LARGE1: variants seen among roughly 807,000 people sequenced by gnomAD.
LARGE1 encodes LARGE xylosyl- and glucuronyltransferase 1, also known as xylosyl- and glucuronyltransferase LARGE1.
Under a neutral mutation model 87.6 loss-of-function variants are expected in LARGE1, and 43 were observed. The observed-to-expected ratio is 0.49, with a 90% CI of 0.38 to 0.63. The LOEUF (loss-of-function observed/expected upper bound fraction) is 0.63, where lower values mean the gene tolerates loss of function less well. LARGE1 is among the 30% of genes least tolerant of loss of function. LARGE1 has a pLI of 0.00. For synonymous variants in LARGE1, 434 were observed against 394.6 expected (o/e 1.10, Z -1.18); for missense variants, 802 against 1,000.2 (o/e 0.80, Z 2.67).
intron 11 of LARGE1, among the ~76,000 whole-genome samples, chr22:33,240,762 C>T (rs982802277): frequency 4.6e-5 from 7 of 152,034 alleles, no homozygotes; most frequent in South Asian, 4.1e-4. Flanking sequence ...ATATGGATCC[C>T]GTGGTCATCA....
At position 33,470,897 on chromosome 22, in the gene LARGE1, T is replaced by G. The variant is rs929543499; in HGVS notation, c.788-38632A>C. On this transcript the variant is annotated intron_variant, in intron 6 of 14. Coordinates refer to ENST00000397394, the MANE Select transcript of LARGE1 (RefSeq NM_133642.5). ...GACCTTAACCAAATCTAAGTCTCCC[T>G]GAGCCTCAGGTTAGACTTCTGTCAA... 4.6e-5 allele frequency among the ~76,000 whole-genome samples: 7 copies of G among 152,356 alleles called. No homozygotes were observed. In the South Asian group the frequency reaches 1.5e-3, roughly 32 times the overall value.
At chr22:33,522,377 A>G (rs2071648433) in intron 6 of LARGE1, among the ~76,000 whole-genome samples, 1 of 152,206 alleles carries the variant, frequency 6.6e-6, no homozygotes, top group African/African-American at 2.4e-5. Context: ...ATGTGTTACC[A>G]AACTTACAGA....
intron 1 of LARGE1, among the ~76,000 whole-genome samples, chr22:33,819,039 C>A (rs181446729): frequency 2.0e-5 from 3 of 152,336 alleles, no homozygotes; most frequent in Admixed American, 1.3e-4. Flanking sequence ...TAAATACCAA[C>A]TGATGGCTGA....
chr22:33,210,289 G>C (rs1473334795), intron 11 of LARGE1, among the ~76,000 whole-genome samples: 1 of 152,234 alleles, frequency 6.6e-6, no homozygotes, highest in Non-Finnish European at 1.5e-5. Flanking sequence ...ACAGAGCATG[G>C]TCTGGCAGAT....
In LARGE1 at chr22:33,650,606, A is replaced by T; in HGVS notation, c.169T>A (p.Ser57Thr). 1 of 1,604,690 alleles carries T rather than the reference A, an allele frequency of 6.2e-7. No homozygotes were observed. Among genetic ancestry groups the T allele is most frequent in the Non-Finnish European group, 8.5e-7 (1 of 1,179,934 alleles). Residue 57 changes from serine to threonine, a missense_variant, in exon 3 of 15, where the codon TCC becomes ACC. Ser to Thr is a moderately conservative substitution (Grantham distance 58, BLOSUM62 1). Transcript: ENST00000397394. Reference protein sequence around the residue: ...SQAHSPRYTASSQRERESLEV... With the variant: ...SQAHSPRYTATSQRERESLEV... ...AGGCTCTCGCGCTCCCGCTGGCTGG[A>T]GGCCGTGTACCTGGGGCTGTGTGCC...
chr22:33,386,523 G>A (rs1475528750), intron 7 of LARGE1, among the ~76,000 whole-genome samples: 1 of 148,698 alleles, frequency 6.7e-6, no homozygotes, highest in Non-Finnish European at 1.5e-5. Context: ...TCAGCTCTCT[G>A]GGGGAAAAAA....
At chr22:33,823,616 G>A (rs566966582) in intron 1 of LARGE1, among the ~76,000 whole-genome samples, 1 of 152,204 alleles carries the variant, frequency 6.6e-6, no homozygotes, top group South Asian at 2.1e-4. Context: ...CTTGCCCTCC[G>A]CATCTGAGGA....
At chr22:33,198,207 A>G (rs137437) in intron 11 of LARGE1, among the ~76,000 whole-genome samples, 105,623 of 152,056 alleles carry the variant, frequency 0.69, 38,426 homozygotes, top group African/African-American at 0.92. Context: ...TAACAAGTAC[A>G]ACGTATTAAG....
At chr22:33,393,426 C>T (rs1038666153) in intron 7 of LARGE1, among the ~76,000 whole-genome samples, 1 of 152,176 alleles carries the variant, frequency 6.6e-6, no homozygotes, top group Non-Finnish European at 1.5e-5. Context: ...GCCTAATTCC[C>T]ACTGGATTTA....
downstream of LARGE1, among the ~76,000 whole-genome samples, chr22:33,158,854 A>T (rs1262327470): frequency 6.6e-6 from 1 of 152,242 alleles, no homozygotes; most frequent in East Asian, 1.9e-4. Context: ...TAGAAGTTAA[A>T]TGTAGATAAA....
intron 9 of LARGE1, among the ~76,000 whole-genome samples, chr22:33,364,409 T>C (rs1415053141): frequency 6.6e-6 from 1 of 152,158 alleles, no homozygotes; most frequent in Non-Finnish European, 1.5e-5. Context: ...TTCAATCCCG[T>C]TCCGCGTTTA....
At chr22:33,714,160 C>T (rs149147473) in intron 2 of LARGE1, among the ~76,000 whole-genome samples, 142 of 152,296 alleles carry the variant, frequency 9.3e-4, no homozygotes, top group African/African-American at 3.2e-3. Context: ...TCTCCTACCA[C>T]TGTGGTGACC....
At chr22:33,601,730 G>C (rs927469583) in intron 5 of LARGE1, among the ~76,000 whole-genome samples, 6 of 152,206 alleles carry the variant, frequency 3.9e-5, no homozygotes, top group African/African-American at 1.4e-4. Context: ...GTCTTCGATA[G>C]TAGACATCGG....
intron 11 of LARGE1, among the ~76,000 whole-genome samples, chr22:33,174,585 T>C (rs976545017): frequency 2.0e-5 from 3 of 151,866 alleles, no homozygotes; most frequent in African/African-American, 7.3e-5. Flanking sequence ...ACAAAATAGA[T>C]TGACCATTAG....
chr22:33,260,411 A>G (rs1927562945), intron 11 of LARGE1, among the ~76,000 whole-genome samples: 1 of 152,254 alleles, frequency 6.6e-6, no homozygotes, highest in South Asian at 2.1e-4. Context: ...GGCATGTGCT[A>G]GCTGGAAGGC....
At chr22:33,758,007 C>T (rs1226993009) in intron 2 of LARGE1, among the ~76,000 whole-genome samples, 1 of 152,150 alleles carries the variant, frequency 6.6e-6, no homozygotes, top group Non-Finnish European at 1.5e-5. Flanking sequence ...TCAGCTCCCT[C>T]CCACGATACT....
chr22:33,125,284 T>A, the LARGE1 span, among the ~76,000 whole-genome samples: 1 of 152,132 alleles, frequency 6.6e-6, no homozygotes, highest in Non-Finnish European at 1.5e-5. Flanking sequence ...TCAACAAATA[T>A]TTTTTGAGAA....
At chr22:33,110,600 T>G in the LARGE1 span, 1 of 152,248 alleles carries the variant, frequency 6.6e-6, no homozygotes, top group Non-Finnish European at 1.5e-5. Flanking sequence ...TGAAGCTTCC[T>G]GCTATGTGGG....
chr22:33,199,103 G>T (rs554734593), intron 11 of LARGE1, among the ~76,000 whole-genome samples: 1 of 152,096 alleles, frequency 6.6e-6, no homozygotes, highest in African/African-American at 2.4e-5. Context: ...TGATGATCGT[G>T]ATGTTGAGCA....
Sources: gnomAD v4.1 joint callset for allele counts (sites outside exome capture counted in the v4.1 genomes callset) on GRCh38, gnomAD v4.1.1 for gene constraint, MANE v1.5 for transcripts, NCBI Gene and HGNC (gene_info 2026-07-23, HGNC 2026-07-21) for gene names.